The following PTPRD variants were observed in gnomAD, a reference collection of about 807,000 sequenced individuals.
The protein encoded by PTPRD is protein tyrosine phosphatase receptor type D.
Under a neutral mutation model 214.5 loss-of-function variants are expected in PTPRD, and 34 were observed. That is an observed-to-expected ratio of 0.16 (90% CI 0.12 to 0.21). The LOEUF is 0.21. Ranked by LOEUF, PTPRD falls within the 10% of genes least tolerant of loss-of-function variation. The pLI is 1.00. For missense variants in PTPRD, 2,545 were observed against 2,398.7 expected, an observed-to-expected ratio of 1.06 and a Z score of -1.27; for synonymous variants, 1,128 against 845.7, an observed-to-expected ratio of 1.33 and a Z score of -5.79.
chr9:9,439,616 G>T (rs902834964), intron 8 of PTPRD, among the ~76,000 whole-genome samples: 3 of 152,112 alleles, frequency 2.0e-5, no homozygotes, highest in African/African-American at 4.8e-5. Context: ...TCCATTAAAA[G>T]CCAAGAAAAG....
chr9:9,678,166 G>A (rs1419389420), intron 7 of PTPRD, among the ~76,000 whole-genome samples: 1 of 152,050 alleles, frequency 6.6e-6, no homozygotes, highest in Admixed American at 6.6e-5. Flanking sequence ...TAGATTCAAT[G>A]CCATCCCCAT....
intron 7 of PTPRD, among the ~76,000 whole-genome samples, chr9:9,697,978 T>G (rs543071753): frequency 6.6e-6 from 1 of 152,330 alleles, no homozygotes; most frequent in African/African-American, 2.4e-5. Flanking sequence ...ATTTCTCAGC[T>G]CCAGGAATTC....
intron 9 of PTPRD, among the ~76,000 whole-genome samples, chr9:9,341,246 A>G (rs1044780108): frequency 1.3e-5 from 2 of 151,906 alleles, no homozygotes; most frequent in Non-Finnish European, 2.9e-5. Context: ...CAGCTGCTCT[A>G]TTTAACCTCC....
At chr9:10,238,783 A>T (rs1483182464) in intron 3 of PTPRD, among the ~76,000 whole-genome samples, 1 of 152,008 alleles carries the variant, frequency 6.6e-6, no homozygotes, top group Non-Finnish European at 1.5e-5. Context: ...GAAGAAACAA[A>T]AGTTGGGATA....
intron 14 of PTPRD, among the ~76,000 whole-genome samples, chr9:8,593,056 G>A (rs1254856239): frequency 6.6e-6 from 1 of 152,196 alleles, no homozygotes; most frequent in Non-Finnish European, 1.5e-5. Flanking sequence ...AAAAGACAAG[G>A]CTGGAAAGGA....
intron 3 of PTPRD, among the ~76,000 whole-genome samples, chr9:10,291,209 T>A (rs1041872138): frequency 6.6e-6 from 1 of 151,950 alleles, no homozygotes; most frequent in Non-Finnish European, 1.5e-5. Context: ...AGAGTCTCCC[T>A]GGGTTTCCTA....
At chr9:9,925,886 TG>T (rs2084119679) in intron 5 of PTPRD, among the ~76,000 whole-genome samples, 1 of 152,156 alleles carries the variant, frequency 6.6e-6, no homozygotes, top group South Asian at 2.1e-4. Flanking sequence ...TAGAGTACAG[TG>T]TCATGGTCAT....
intron 6 of PTPRD, among the ~76,000 whole-genome samples, chr9:9,754,069 T>C (rs908457180): frequency 1.3e-5 from 2 of 152,080 alleles, no homozygotes; most frequent in African/African-American, 4.8e-5. Flanking sequence ...GAACTACTTA[T>C]TAGCAGAATG....
In PTPRD at chr9:9,834,582, T is replaced by G. The variant is rs1274925149; in HGVS notation, c.-367-67731A>C. On this transcript the variant is annotated intron_variant, in intron 5 of 45. Coordinates refer to ENST00000381196, the MANE Select transcript of PTPRD (RefSeq NM_002839.4). ...ACAGCCACCAGCAGGATTATTTTAC[T>G]GGTCCATCAGTTTCTGAAATAAGTA... 5.3e-5 allele frequency among the ~76,000 whole-genome samples: 8 copies of G among 152,210 alleles called. No individual in the cohort carries two copies. In the East Asian group the frequency reaches 1.5e-3, roughly 29 times the overall value.
Position 8,340,419 on chromosome 9 carries a change from T to A in PTPRD, c.5177A>T (p.Glu1726Val). Residue 1726 changes from glutamate to valine, a missense_variant, in exon 42 of 46, where the codon GAA (glutamate) becomes GTA (valine). Coordinates refer to ENST00000381196, the MANE Select transcript of PTPRD (RefSeq NM_002839.4). ...TTCCCAGAGCATCCGCCAGAAGTCT[T>A]CAGTGGTCTCTGCCAAGGGCCCCTG... ...ATQGPLAETTEDFWRMLWEHN... is the reference protein window; with the variant it reads ...ATQGPLAETTVDFWRMLWEHN... The A allele has an allele frequency of 6.2e-7, 1 of 1,609,536 alleles. No homozygotes were observed. The highest frequency in any genetic ancestry group is 8.5e-7 in the Non-Finnish European group (1 of 1,176,798).
At chr9:10,553,514 C>T (rs1381119041) in intron 2 of PTPRD, among the ~76,000 whole-genome samples, 2 of 152,038 alleles carry the variant, frequency 1.3e-5, no homozygotes, top group Non-Finnish European at 2.9e-5. Context: ...CCAAAATATG[C>T]AAGTATGTAC....
intron 11 of PTPRD, among the ~76,000 whole-genome samples, chr9:8,864,141 A>G (rs978067113): frequency 2.0e-5 from 3 of 152,218 alleles, no homozygotes; most frequent in Non-Finnish European, 4.4e-5. Context: ...AAAGAAGGAA[A>G]ACTCTGTTTC....
At chr9:8,544,346 T>C (rs972952749) in intron 14 of PTPRD, among the ~76,000 whole-genome samples, 2 of 151,678 alleles carry the variant, frequency 1.3e-5, no homozygotes, top group East Asian at 1.9e-4. Context: ...CCTCCCAAAG[T>C]GCTGGGATTA....
chr9:9,565,150 G>A (rs1485037767), intron 8 of PTPRD, among the ~76,000 whole-genome samples: 2 of 151,466 alleles, frequency 1.3e-5, no homozygotes, highest in Non-Finnish European at 3.0e-5. Flanking sequence ...TTTGTAAAGT[G>A]GAAAGGATTA....
At chr9:9,177,234 C>G (rs779528833) in intron 10 of PTPRD, among the ~76,000 whole-genome samples, 2 of 151,914 alleles carry the variant, frequency 1.3e-5, no homozygotes, top group Non-Finnish European at 2.9e-5. Flanking sequence ...ACCATCAGAT[C>G]TCATGAGAAC....
At chr9:9,800,798 C>G (rs1481295777) in intron 5 of PTPRD, 1 of 152,136 alleles carries the variant, frequency 6.6e-6, no homozygotes, top group East Asian at 1.9e-4. Context: ...AGGAGCTCAT[C>G]CACATCTCTA....
chr9:9,001,075 G>T (rs10977434), intron 11 of PTPRD, among the ~76,000 whole-genome samples: 44,328 of 151,800 alleles, frequency 0.29, 6,861 homozygotes, highest in Middle Eastern at 0.35. Flanking sequence ...AATTTCTGTT[G>T]ATTGTGGAGA....
chr9:10,555,803 AC>A (rs2062437592), intron 2 of PTPRD, among the ~76,000 whole-genome samples: 1 of 152,200 alleles, frequency 6.6e-6, no homozygotes, highest in Non-Finnish European at 1.5e-5. Flanking sequence ...CAAATAAGAA[AC>A]TAGATTCCTC....
At chr9:8,513,118 C>G (rs573999328) in intron 21 of PTPRD, among the ~76,000 whole-genome samples, 3 of 151,852 alleles carry the variant, frequency 2.0e-5, no homozygotes, top group Non-Finnish European at 4.4e-5. Context: ...TTTGTAATGC[C>G]AGAAGTTAGA....
Sources: allele counts gnomAD v4.1 joint callset (sites outside exome capture counted in the v4.1 genomes callset), GRCh38; gene constraint gnomAD v4.1.1; transcripts MANE v1.5; gene names NCBI Gene and HGNC (gene_info 2026-07-23, HGNC 2026-07-21).